RIGI: variants seen among roughly 807,000 people sequenced by gnomAD.
The protein encoded by RIGI is antiviral innate immune response receptor RIG-I.
At chr9:32,516,944 T>C in the RIGI span, among the ~76,000 whole-genome samples, 1 of 152,220 alleles carries the variant, frequency 6.6e-6, no homozygotes, top group African/African-American at 2.4e-5. Flanking sequence ...AGTCGGATTG[T>C]GTTTTGTTGA....
At chr9:32,499,316 G>GTTTTTTTT in the RIGI span, among the ~76,000 whole-genome samples, 57 of 57,624 alleles carry the variant, frequency 9.9e-4, no homozygotes, top group African/African-American at 1.2e-3. Flanking sequence ...TTTGTGATTT[G>GTTTTTTTT]TTTTTTTTTT....
At chr9:32,464,666 C>G in the RIGI span, among the ~76,000 whole-genome samples, 28 of 152,294 alleles carry the variant, frequency 1.8e-4, no homozygotes, top group African/African-American at 6.5e-4. Context: ...CATGAGCCAC[C>G]GCGCCCGGCC....
At chr9:32,455,990 C>G in the RIGI span, 4 of 152,236 alleles carry the variant, frequency 2.6e-5, no homozygotes, top group Admixed American at 1.3e-4. Flanking sequence ...CCAGGGAACT[C>G]AGATACTTGT....
the RIGI span, among the ~76,000 whole-genome samples, chr9:32,483,317 G>C: frequency 6.6e-5 from 10 of 152,152 alleles, no homozygotes; most frequent in African/African-American, 2.4e-4. Context: ...CCAAGTTGCA[G>C]CTACAGCGAG....
chr9:32,526,102 G>A, the RIGI span: 3 of 1,613,966 alleles, frequency 1.9e-6, no homozygotes, highest in East Asian at 6.7e-5. Context: ...GATGTAGGTA[G>A]GGTCCAGGGT....
At chr9:32,492,383 T>C in the RIGI span, 1 of 1,614,062 alleles carries the variant, frequency 6.2e-7, no homozygotes, top group East Asian at 2.2e-5. Flanking sequence ...GAGGGTACAG[T>C]GTCTTACCTT....
At chr9:32,514,403 G>A in the RIGI span, among the ~76,000 whole-genome samples, 1 of 152,130 alleles carries the variant, frequency 6.6e-6, no homozygotes, top group East Asian at 1.9e-4. Flanking sequence ...CCATAAAAAA[G>A]AATGAGTTCA....
the RIGI span, chr9:32,473,039 A>G: frequency 6.2e-7 from 1 of 1,610,330 alleles, no homozygotes. Context: ...TGAGTTTAGG[A>G]TTTCCTTCAA....
the RIGI span, chr9:32,476,991 G>A: frequency 1.2e-6 from 2 of 1,613,258 alleles, no homozygotes; most frequent in Non-Finnish European, 1.7e-6. Flanking sequence ...ACGTCCACAA[G>A]TGCTCTGGTT....
chr9:32,490,882 A>T, the RIGI span, among the ~76,000 whole-genome samples: 179 of 152,342 alleles, frequency 1.2e-3, 1 homozygote, highest in Non-Finnish European at 2.0e-3. Context: ...GCATTTGGGT[A>T]GCACACTAAC....
chr9:32,508,154 G>A, the RIGI span, among the ~76,000 whole-genome samples: 3 of 150,152 alleles, frequency 2.0e-5, no homozygotes, highest in African/African-American at 7.3e-5. Context: ...CCCTTTTGAG[G>A]CAAGGGATTT....
the RIGI span, among the ~76,000 whole-genome samples, chr9:32,520,206 C>G: frequency 6.6e-6 from 1 of 151,820 alleles, no homozygotes; most frequent in Non-Finnish European, 1.5e-5. Context: ...TTTTGAGGCT[C>G]TAGGTCACAG....
At chr9:32,485,134 T>C in the RIGI span, 232 of 1,409,794 alleles carry the variant, frequency 1.6e-4, 1 homozygote, top group African/African-American at 2.9e-3. Flanking sequence ...TAAATGGCTA[T>C]TCCCCAGTAG....
the RIGI span, among the ~76,000 whole-genome samples, chr9:32,486,350 G>C: frequency 6.6e-6 from 1 of 151,078 alleles, no homozygotes; most frequent in Non-Finnish European, 1.5e-5. Context: ...CTACTCAGGA[G>C]ACTGAGGCAG....
the RIGI span, among the ~76,000 whole-genome samples, chr9:32,483,665 A>G: frequency 7.0e-6 from 1 of 143,410 alleles, no homozygotes; most frequent in Non-Finnish European, 1.5e-5. Context: ...CAGATGAGAA[A>G]TCATCCCACC....
chr9:32,474,041 T>A, the RIGI span, among the ~76,000 whole-genome samples: 1 of 151,448 alleles, frequency 6.6e-6, no homozygotes, highest in Non-Finnish European at 1.5e-5. Context: ...ATTAAATAAA[T>A]AAAAATAAAA....
At chr9:32,517,142 C>T in the RIGI span, among the ~76,000 whole-genome samples, 1 of 152,210 alleles carries the variant, frequency 6.6e-6, no homozygotes, top group African/African-American at 2.4e-5. Flanking sequence ...GTAGTTTCCA[C>T]ATGACGTTCT....
At chr9:32,463,836 T>G in the RIGI span, among the ~76,000 whole-genome samples, 2 of 151,406 alleles carry the variant, frequency 1.3e-5, no homozygotes, top group African/African-American at 4.9e-5. Context: ...TCACCCCATC[T>G]TTATTCTCTG....
the RIGI span, among the ~76,000 whole-genome samples, chr9:32,515,197 C>T: frequency 6.6e-6 from 1 of 151,752 alleles, no homozygotes; most frequent in Admixed American, 6.6e-5. Context: ...GCCAGGAGTT[C>T]GAGACCAGCC....
Sources: gnomAD v4.1 joint callset for allele counts (sites outside exome capture counted in the v4.1 genomes callset) on GRCh38, gnomAD v4.1.1 for gene constraint, MANE v1.5 for transcripts, NCBI Gene and HGNC (gene_info 2026-07-23, HGNC 2026-07-21) for gene names.